The following PCBP3 variants were observed in gnomAD, a reference collection of about 807,000 sequenced individuals.
PCBP3 encodes poly(rC)-binding protein 3.
Under a neutral mutation model 52.7 loss-of-function variants are expected in PCBP3, and 25 were observed. That is an observed-to-expected ratio of 0.47 (90% CI 0.35 to 0.66). PCBP3 has a LOEUF of 0.66. PCBP3 is among the 30% of genes least tolerant of loss of function. The pLI is 0.01. For synonymous variants in PCBP3, 162 were observed against 183.0 expected (o/e 0.89, Z 0.93); for missense variants, 391 against 490.3 (o/e 0.80, Z 1.91).
chr21:45,672,821 C>A (rs867759160), intron 2 of PCBP3, among the ~76,000 whole-genome samples: 50 of 152,106 alleles, frequency 3.3e-4, no homozygotes, highest in African/African-American at 1.2e-3. Context: ...TAGCTTTTCC[C>A]GGATTGTGAG....
At chr21:45,668,981 A>G (rs780640737) in intron 2 of PCBP3, 29 bp downstream of exon 2, 23 of 152,238 alleles carry the variant, frequency 1.5e-4, no homozygotes, top group African/African-American at 2.6e-4. Context: ...GGATTTTCCA[A>G]TTATCCTTAG....
chr21:45,836,401 A>G (rs73380634), intron 4 of PCBP3: 4,426 of 151,976 alleles, frequency 0.029, 236 homozygotes, highest in African/African-American at 0.1. Flanking sequence ...TGCTGCCTGT[A>G]GCCAGGCCTG....
In PCBP3 at chr21:45,735,108, G is replaced by T. The variant is rs546410365; in HGVS notation, c.-199-284G>T. Among the ~76,000 whole-genome samples, 1 of 152,326 alleles carries T rather than the reference G, an allele frequency of 6.6e-6. No individual in the cohort carries two copies. Among genetic ancestry groups the T allele is most frequent in the South Asian group, 2.1e-4 (1 of 4,828 alleles). The stretch of plus-strand genomic sequence containing the variant: ...CAGCTGTGCCCCAGACGTCAGTCAG[G>T]CCGAGGACTGTGGGTCAAGGTTCAG... On this transcript the variant is annotated intron_variant, in intron 2 of 17. Coordinates refer to ENST00000681687, the MANE Select transcript of PCBP3 (RefSeq NM_001384156.1). This position sits in a 1 kb window ranked among gnomAD's most constrained non-coding sequence, Gnocchi z 4.0.
At position 45,802,038 on chromosome 21, in the gene PCBP3, C is replaced by G. The variant is rs2092324512; in HGVS notation, c.-126+46586C>G. On this transcript the variant is annotated intron_variant, in intron 4 of 17. Transcript: ENST00000681687. The surrounding 1 kb of genome is among the most constrained non-coding windows in gnomAD (Gnocchi z 5.1). ...TGTGGCTCTCGGGGTCTCCCCTCCT[C>G]TTCCTTGAGGGCATCGTCATGATTC... Among the ~76,000 whole-genome samples, 1 of 152,212 alleles carries G rather than the reference C, an allele frequency of 6.6e-6. No homozygotes were observed. Among genetic ancestry groups the G allele is most frequent in the Non-Finnish European group, 1.5e-5 (1 of 68,030 alleles).
At chr21:45,797,530 A>G (rs1013114597) in intron 4 of PCBP3, among the ~76,000 whole-genome samples, 3 of 2,302 alleles carry the variant, frequency 1.3e-3, no homozygotes, top group Non-Finnish European at 2.7e-3. Context: ...GGATCCGTAG[A>G]GACTGAATGC....
intron 2 of PCBP3, among the ~76,000 whole-genome samples, chr21:45,709,772 G>T (rs774664175): frequency 6.6e-6 from 1 of 152,036 alleles, no homozygotes; most frequent in South Asian, 2.1e-4. Flanking sequence ...CAGTTTTCCC[G>T]TAATGTCCTT....
At chr21:45,794,649 G>A (rs571146032) in intron 4 of PCBP3, among the ~76,000 whole-genome samples, 1 of 152,226 alleles carries the variant, frequency 6.6e-6, no homozygotes, top group African/African-American at 2.4e-5. Context: ...TGACCCAGAG[G>A]CCGGGTGCAA....
chr21:45,790,285 T>C (rs1440702675), intron 4 of PCBP3, among the ~76,000 whole-genome samples: 14 of 152,126 alleles, frequency 9.2e-5, no homozygotes, highest in Non-Finnish European at 1.5e-4. Context: ...AGGTAGGACC[T>C]TCAAACAGAG....
At chr21:45,923,780 T>C (rs1569501751) in intron 13 of PCBP3, among the ~76,000 whole-genome samples, 1 of 151,882 alleles carries the variant, frequency 6.6e-6, no homozygotes. Context: ...CCTGGAACAG[T>C]TGAGTGGATA....
chr21:45,901,064 C>A lies in PCBP3; in HGVS notation c.290C>A (p.Thr97Lys), dbSNP rs2096021646. 5 of 1,613,956 alleles carry A rather than the reference C, an allele frequency of 3.1e-6. No homozygotes were observed. The highest frequency in any genetic ancestry group is 4.2e-6 in the Non-Finnish European group (5 of 1,179,936). The stretch of plus-strand genomic sequence containing the variant: ...AGGATTGTGACCATCACAGGCCCCA[C>A]AGACGCCATCTTCAAGGCCTTTGCC... ...PERIVTITGP[T>K]DAIFKAFAMI... The change falls in exon 9 of 18, where the codon ACA becomes AAA. Residue 97 changes from threonine to lysine, a missense_variant. By Grantham distance (78) the Thr-to-Lys change is moderately conservative. Coordinates refer to ENST00000681687, the MANE Select transcript of PCBP3 (RefSeq NM_001384156.1).
intron 3 of PCBP3, among the ~76,000 whole-genome samples, chr21:45,748,362 G>A (rs992975042): frequency 6.6e-6 from 1 of 152,208 alleles, no homozygotes; most frequent in African/African-American, 2.4e-5. Flanking sequence ...TAGGCCCTGT[G>A]TGAATGGTGT....
intron 4 of PCBP3, among the ~76,000 whole-genome samples, chr21:45,823,182 C>A (rs765064306): frequency 5.3e-5 from 8 of 152,200 alleles, no homozygotes; most frequent in Non-Finnish European, 7.3e-5. Flanking sequence ...TGTACTGGCA[C>A]CTTTTGTGAA....
intron 4 of PCBP3, among the ~76,000 whole-genome samples, chr21:45,801,383 C>A (rs1263975888): frequency 6.6e-6 from 1 of 152,254 alleles, no homozygotes; most frequent in Admixed American, 6.5e-5. Context: ...TCCCTGCTGG[C>A]TGCAGGGCCC....
chr21:45,706,340 C>A (rs577812004), intron 2 of PCBP3, among the ~76,000 whole-genome samples: 4 of 152,290 alleles, frequency 2.6e-5, no homozygotes, highest in African/African-American at 7.2e-5. Flanking sequence ...GAGTGTGCTG[C>A]CTGGATGCCC....
intron 5 of PCBP3, chr21:45,854,060 T>A (rs1175788893): frequency 1.3e-5 from 2 of 151,712 alleles, no homozygotes; most frequent in African/African-American, 4.9e-5. Flanking sequence ...AAGAGCAGCA[T>A]CCGTGTGAAG....
intron 13 of PCBP3, chr21:45,919,520 G>C (rs543566192): frequency 6.6e-6 from 1 of 152,338 alleles, no homozygotes; most frequent in African/African-American, 2.4e-5. Context: ...ATATTGAATG[G>C]AGAATAGATA....
intron 5 of PCBP3, among the ~76,000 whole-genome samples, chr21:45,892,449 A>G (rs200854225): frequency 2.1e-3 from 183 of 87,540 alleles, no homozygotes; most frequent in Admixed American, 3.0e-3. Flanking sequence ...TGAGGGGCGC[A>G]GTCCCGTCTC....
At chr21:45,665,642 A>G (rs2080747905) in intron 1 of PCBP3, among the ~76,000 whole-genome samples, 1 of 152,262 alleles carries the variant, frequency 6.6e-6, no homozygotes, top group Non-Finnish European at 1.5e-5. Context: ...TCTCCCAATA[A>G]AACAAAGCCC....
chr21:45,887,984 C>T (rs955339833), intron 5 of PCBP3, among the ~76,000 whole-genome samples: 4 of 152,224 alleles, frequency 2.6e-5, no homozygotes, highest in Admixed American at 2.0e-4. Flanking sequence ...CTCTGTCCTC[C>T]GGGGATGGCC....
Sources: gnomAD v4.1 joint callset for allele counts (sites outside exome capture counted in the v4.1 genomes callset) on GRCh38, gnomAD v4.1.1 for gene constraint, Gnocchi (gnomAD v3.1) non-coding constraint, MANE v1.5 for transcripts, NCBI Gene and HGNC (gene_info 2026-07-23, HGNC 2026-07-21) for gene names.